The following ARL6IP1 variants were observed in gnomAD, a reference collection of about 807,000 sequenced individuals.
ARL6IP1 encodes ADP-ribosylation factor-like protein 6-interacting protein 1.
A neutral mutation model predicts 30.1 loss-of-function variants in ARL6IP1; 16 were observed. That is an observed-to-expected ratio of 0.53 (90% confidence interval 0.36 to 0.81). The LOEUF (loss-of-function observed/expected upper bound fraction) is 0.81. ARL6IP1 is among the 30% of genes least tolerant of loss of function. The pLI is 0.01. For missense variants in ARL6IP1, 173 were observed against 242.7 expected, an observed-to-expected ratio of 0.71 and a Z score of 1.91; for synonymous variants, 72 against 84.8, an observed-to-expected ratio of 0.85 and a Z score of 0.83.
Position 18,791,854 on chromosome 16 carries a change from T to TAA in ARL6IP1, c.*1396_*1397dup, listed in dbSNP as rs540565673. The TAA allele has an allele frequency of 1.6e-4, 25 of 151,594 alleles. No individual in the cohort carries two copies. Among genetic ancestry groups the TAA allele is most frequent in the African/African-American group, 5.8e-4 (24 of 41,186 alleles). 9.4% of individuals were successfully genotyped at this position (151,594 alleles called of 1,614,324 possible). On this transcript the variant is annotated 3_prime_UTR_variant, in exon 6 of 6. Coordinates refer to ENST00000304414, the MANE Select transcript of ARL6IP1 (RefSeq NM_015161.3). ...TTAACGTAGTTTTCTTATGAAATAATAAAAAAAAATCAAACATATGCTACA... is the reference window on the plus strand; with the variant it reads ...TTAACGTAGTTTTCTTATGAAATAATAAAAAAAAAAATCAAACATATGCTACA...
In ARL6IP1 at chr16:18,797,987, AAACAT is replaced by A; in HGVS notation, c.223_227del (p.Met75PhefsTer5). ...GAACAAGGTAGTCAGCCAAGCACAA[AAACAT>A]AACAAAACAGGAAACGCCGGACAGA... On this transcript the variant is annotated frameshift_variant, in exon 3 of 6. Transcript: ENST00000304414. LOFTEE classifies it high-confidence loss of function. 1.2e-6 allele frequency: 2 copies of A among 1,613,998 alleles called. No individual in the cohort carries two copies. Among genetic ancestry groups the A allele is most frequent in the Non-Finnish European group, 1.7e-6 (2 of 1,179,948 alleles).
chr16:18,798,652 T>A (rs750183080), intron 2 of ARL6IP1, 49 bp downstream of exon 2: 1 of 1,579,918 alleles, frequency 6.3e-7, no homozygotes, highest in Admixed American at 1.9e-5. Context: ...TATTAAAAAG[T>A]CTTTATTAAT....
intron 3 of ARL6IP1, among the ~76,000 whole-genome samples, chr16:18,795,902 A>G (rs1212116014): frequency 6.6e-6 from 1 of 152,216 alleles, no homozygotes; most frequent in Non-Finnish European, 1.5e-5. Context: ...CCATAAAGAA[A>G]TCAGTATAAA....
intron 1 of ARL6IP1, 127 bp from the exon 2 acceptor site, chr16:18,798,961 C>T: frequency 9.4e-7 from 1 of 1,061,750 alleles, no homozygotes; most frequent in East Asian, 2.6e-5. Context: ...CAATTTTAAA[C>T]TAGTTGGTTT....
intron 2 of ARL6IP1, 32 bp downstream of exon 2, chr16:18,798,669 C>G: frequency 6.2e-7 from 1 of 1,602,278 alleles, no homozygotes; most frequent in Middle Eastern, 1.7e-4. Flanking sequence ...TAATAAGAAG[C>G]ACAACCCATA....
At chr16:18,797,890 C>T in intron 3 of ARL6IP1, 35 bp downstream of exon 3, 1 of 1,599,686 alleles carries the variant, frequency 6.3e-7, no homozygotes, top group East Asian at 2.2e-5. Flanking sequence ...AGTAACTACA[C>T]AAAAATGAGA....
At chr16:18,800,531 T>C (rs948786466) in intron 1 of ARL6IP1, among the ~76,000 whole-genome samples, 1 of 152,214 alleles carries the variant, frequency 6.6e-6, no homozygotes, top group Non-Finnish European at 1.5e-5. Context: ...CATGCATTTC[T>C]AAAAGCAAAT....
rs1413290035 is a variant in ARL6IP1, at chr16:18,793,234, C to A, written c.*18G>T. ...GGCAATGGGTGCTGCATTAATCACA[C>A]TGATTAAAGCAGATGAATCATTCGT... On this transcript the variant is annotated 3_prime_UTR_variant, in exon 6 of 6. Coordinates refer to ENST00000304414, the MANE Select transcript of ARL6IP1 (RefSeq NM_015161.3). The A allele has an allele frequency of 2.7e-6, 4 of 1,500,538 alleles. No individual in the cohort carries two copies. The East Asian group carries it at 9.0e-5, about 34-fold the overall frequency. The allele number at this position is 1,500,538 out of a possible 1,614,324, so 93.0% of individuals were successfully genotyped here. A position where few individuals can be genotyped will look rare whatever the true frequency, so the allele number is the denominator to read the frequency against.
chr16:18,797,175 C>G (rs1038553813), intron 3 of ARL6IP1, among the ~76,000 whole-genome samples: 3 of 151,408 alleles, frequency 2.0e-5, no homozygotes, highest in Admixed American at 6.6e-5. Flanking sequence ...GTCAGGAGAT[C>G]GAGACCATCC....
At position 18,801,527 on chromosome 16, in the gene ARL6IP1, A is replaced by T; in HGVS notation, c.-61T>A. 6.3e-7 allele frequency: 1 copy of T among 1,591,818 alleles called. No homozygotes were observed. Among genetic ancestry groups the T allele is most frequent in the Non-Finnish European group, 8.5e-7 (1 of 1,170,182 alleles). On this transcript the variant is annotated 5_prime_UTR_variant, in exon 1 of 6. Coordinates refer to ENST00000304414, the MANE Select transcript of ARL6IP1 (RefSeq NM_015161.3). ...CCTCCCCAACGAGTCCTCCAACCGA[A>T]ACCCGCACACCAACCACAACCCGAG...
intron 1 of ARL6IP1, 90 bp from the exon 2 acceptor site, chr16:18,798,924 C>G: frequency 3.0e-6 from 4 of 1,353,106 alleles, no homozygotes; most frequent in Non-Finnish European, 3.9e-6. Flanking sequence ...GCTCCAAATA[C>G]AAAAAATAAC....
intron 2 of ARL6IP1, 21 bp downstream of exon 2, chr16:18,798,680 G>C: frequency 1.9e-6 from 3 of 1,612,214 alleles, no homozygotes; most frequent in Non-Finnish European, 2.5e-6. Context: ...ACAACCCATA[G>C]TAATCTAATA....
In ARL6IP1 at chr16:18,793,415, C is replaced by T. The variant is rs2650628; in HGVS notation, c.494-45G>A. 0.41 allele frequency: 453,953 copies of T among 1,107,842 alleles called. 98,026 individuals are homozygous for T. Among genetic ancestry groups the T allele is most frequent in the Non-Finnish European group, 0.44 (333,101 of 757,248 alleles). The allele number at this position is 1,107,842 out of a possible 1,614,324, so 68.6% of individuals were successfully genotyped here. A position where few individuals can be genotyped will look rare whatever the true frequency, so the allele number is the denominator to read the frequency against. On this transcript the variant is annotated intron_variant, in intron 5 of 5. Transcript: ENST00000304414. ...CAACATTAAGGAGGCAGCAATTAAC[C>T]TGCTAAAGGTTATTACTTTTTTTTT...
At chr16:18,794,797 G>A (rs1417030342) in intron 4 of ARL6IP1, 114 bp from the exon 5 acceptor site, 2 of 659,006 alleles carry the variant, frequency 3.0e-6, no homozygotes, top group Admixed American at 6.5e-5. Context: ...AAATAATTTA[G>A]CTTTTATTAT....
At chr16:18,793,535 G>A (rs191174873) in intron 5 of ARL6IP1, among the ~76,000 whole-genome samples, 165 bp from the exon 6 acceptor site, 13 of 151,524 alleles carry the variant, frequency 8.6e-5, no homozygotes, top group East Asian at 5.8e-4. Flanking sequence ...AGGTTCAAGC[G>A]ATTCTCCTGC....
rs993907668 is a variant in ARL6IP1, at chr16:18,801,126, G to A, written c.36+305C>T. 30 of 1,275,774 alleles carry A rather than the reference G, an allele frequency of 2.4e-5. No homozygotes were observed. In the African/African-American group the frequency reaches 4.0e-4, roughly 17 times the overall value. 79.0% of individuals were successfully genotyped at this position (1,275,774 alleles called of 1,614,324 possible). A position where few individuals can be genotyped will look rare whatever the true frequency, so the allele number is the denominator to read the frequency against. On this transcript the variant is annotated intron_variant, in intron 1 of 5. Coordinates refer to ENST00000304414, the MANE Select transcript of ARL6IP1 (RefSeq NM_015161.3). ...GAAAGCGCTGGACAGGCCCCAGGAG[G>A]CCTTCTGCCCCCACCCGCACCCCAG...
Position 18,794,629 on chromosome 16 carries a change from C to T in ARL6IP1, c.463G>A (p.Val155Ile). Residue 155 changes from valine to isoleucine, a missense_variant, in exon 5 of 6, where the codon GTC becomes ATC. Physicochemically the swap from Val to Ile is conservative, Grantham distance 29. Transcript: ENST00000304414. ...LAAVAWVGQQ[V>I]HNLLLTYLIV... ...AGGTAGGTGAGAAGCAGGTTGTGGA[C>T]TTGTTGTCCCACCCAAGCAACCGCA... 4 of 1,613,462 alleles carry T rather than the reference C, an allele frequency of 2.5e-6. No homozygotes were observed. The highest frequency in any genetic ancestry group is 3.4e-6 in the Non-Finnish European group (4 of 1,179,614).
chr16:18,799,077 T>G (rs2030328787), intron 1 of ARL6IP1, among the ~76,000 whole-genome samples: 1 of 151,932 alleles, frequency 6.6e-6, no homozygotes, highest in Non-Finnish European at 1.5e-5. Flanking sequence ...TGGAGTGCAG[T>G]GGGGAGATCT....
At position 18,795,446 on chromosome 16, in the gene ARL6IP1, T is replaced by G. The variant is rs771591026; in HGVS notation, c.408+18A>C. On this transcript the variant is annotated intron_variant, in intron 4 of 5. Transcript: ENST00000304414. The stretch of plus-strand genomic sequence containing the variant: ...ATCTTAAAATTTTACTGTACTTAAG[T>G]CAAAGCAAAAAAAGTACCATCTTAG... 1 of 1,589,904 alleles carries G rather than the reference T, an allele frequency of 6.3e-7. No individual in the cohort carries two copies. The highest frequency in any genetic ancestry group is 8.6e-7 in the Non-Finnish European group (1 of 1,163,528).
Sources: gnomAD v4.1 joint callset for allele counts (sites outside exome capture counted in the v4.1 genomes callset) on GRCh38, gnomAD v4.1.1 for gene constraint, MANE v1.5 for transcripts, NCBI Gene and HGNC (gene_info 2026-07-23, HGNC 2026-07-21) for gene names.